RBFOX1: variants seen among roughly 807,000 people sequenced by gnomAD.
RBFOX1 encodes the protein RNA binding fox-1 homolog 1.
Under a neutral mutation model 57.7 loss-of-function variants are expected in RBFOX1, and 8 were observed. That is an observed-to-expected ratio of 0.14 (90% CI 0.08 to 0.25). The LOEUF (loss-of-function observed/expected upper bound fraction) is 0.25. Ranked by LOEUF, RBFOX1 falls within the 10% of genes least tolerant of loss-of-function variation. RBFOX1 has a pLI of 1.00. For synonymous variants in RBFOX1, 326 were observed against 222.4 expected (o/e 1.47, Z -4.15); for missense variants, 611 against 548.5 (o/e 1.11, Z -1.14).
chr16:6,578,245 T>C (rs533012196), intron 2 of RBFOX1, among the ~76,000 whole-genome samples: 32 of 152,296 alleles, frequency 2.1e-4, no homozygotes, highest in African/African-American at 7.2e-4. Flanking sequence ...TTGCAAGTCA[T>C]CACAAAACAC....
intron 1 of RBFOX1, among the ~76,000 whole-genome samples, chr16:6,123,588 T>C (rs1368940302): frequency 6.6e-6 from 1 of 152,202 alleles, no homozygotes; most frequent in East Asian, 1.9e-4. Context: ...CAGCGATGGT[T>C]GTATAACATT....
intron 5 of RBFOX1, among the ~76,000 whole-genome samples, chr16:7,564,194 A>G (rs9927743): frequency 1.3e-5 from 2 of 151,886 alleles, no homozygotes; most frequent in Non-Finnish European, 2.9e-5. Context: ...GTATCCATAC[A>G]GGAGGCAGAG....
At chr16:5,776,922 A>G (rs936471826) in intron 3 of RBFOX1, among the ~76,000 whole-genome samples, 1 of 152,230 alleles carries the variant, frequency 6.6e-6, no homozygotes, top group Non-Finnish European at 1.5e-5. Context: ...CACGTGAAAT[A>G]TGGCTTAAGA....
chr16:5,559,036 C>T (rs1338303862), intron 2 of RBFOX1, among the ~76,000 whole-genome samples: 2 of 152,044 alleles, frequency 1.3e-5, no homozygotes, highest in East Asian at 1.9e-4. Context: ...CAGTTATGCT[C>T]ACGTGGGTAC....
intron 3 of RBFOX1, among the ~76,000 whole-genome samples, chr16:6,780,369 A>ATATATTTT (rs2080677945): frequency 9.8e-6 from 1 of 101,930 alleles, no homozygotes; most frequent in South Asian, 3.2e-4. Context: ...ATACATATTT[A>ATATATTTT]TAGATATATT....
chr16:7,120,830 TAC>T (rs397836603), intron 4 of RBFOX1, among the ~76,000 whole-genome samples: 13,116 of 86,514 alleles, frequency 0.15, 795 homozygotes, highest in Non-Finnish European at 0.22. Context: ...TATGTATATA[TAC>T]ACACACACAC....
At chr16:5,459,633 A>G (rs2068731521) in intron 1 of RBFOX1, among the ~76,000 whole-genome samples, 1 of 152,058 alleles carries the variant, frequency 6.6e-6, no homozygotes, top group Non-Finnish European at 1.5e-5. Flanking sequence ...TCAGTTTATT[A>G]ATAAGAATCG....
chr16:5,766,494 G>A (rs1325785978), intron 3 of RBFOX1, among the ~76,000 whole-genome samples: 2 of 151,996 alleles, frequency 1.3e-5, no homozygotes, highest in Admixed American at 1.3e-4. Context: ...CTGAGGCAGG[G>A]GAATTGCTTG....
At chr16:5,974,473 G>A (rs1005398228) in intron 4 of RBFOX1, among the ~76,000 whole-genome samples, 1 of 151,864 alleles carries the variant, frequency 6.6e-6, no homozygotes, top group Admixed American at 6.6e-5. Flanking sequence ...AGCTGGCCGT[G>A]GTGGTGTGCA....
intron 3 of RBFOX1, chr16:6,774,093 C>A: frequency 1.3e-6 from 1 of 791,610 alleles, no homozygotes; most frequent in Non-Finnish European, 1.5e-6. Context: ...TTTAAATTAC[C>A]AAGAATTGGA....
chr16:5,401,800 C>T (rs1377243704), intron 1 of RBFOX1, among the ~76,000 whole-genome samples: 1 of 151,764 alleles, frequency 6.6e-6, no homozygotes, highest in African/African-American at 2.4e-5. Context: ...TCCTCTTTCT[C>T]CTCCTCCTTC....
chr16:6,773,331 CTGTGCA>C (rs986202957), intron 3 of RBFOX1, among the ~76,000 whole-genome samples: 13 of 93,182 alleles, frequency 1.4e-4, no homozygotes, highest in Admixed American at 5.9e-4. Flanking sequence ...GGGTGCATTT[CTGTGCA>C]TGTGTATGTG....
chr16:6,646,508 T>A (rs941650497), intron 2 of RBFOX1, among the ~76,000 whole-genome samples: 1 of 152,154 alleles, frequency 6.6e-6, no homozygotes, highest in Non-Finnish European at 1.5e-5. Context: ...AGCAAAAATC[T>A]GCCTTTGGTT....
At position 5,612,159 on chromosome 16, in the gene RBFOX1, C is replaced by T. The variant is rs530991993; in HGVS notation, c.318+13198C>T. Among the ~76,000 whole-genome samples, 8 of 151,702 alleles carry T rather than the reference C, an allele frequency of 5.3e-5. No individual in the cohort carries two copies. The East Asian group carries it at 1.6e-3, about 30-fold the overall frequency. On this transcript the variant is annotated intron_variant, in intron 3 of 19. Coordinates refer to the RBFOX1 transcript ENST00000641259. ...TCCTCCCATCCATACGTCTACTCTC[C>T]CACCTACCCACCCATTCTCCCACCC... is the stretch of plus-strand genomic sequence containing the variant.
chr16:7,063,744 T>C (rs1348619163), intron 4 of RBFOX1, among the ~76,000 whole-genome samples: 1 of 152,182 alleles, frequency 6.6e-6, no homozygotes, highest in African/African-American at 2.4e-5. Context: ...GCACGGAACA[T>C]GTGCAGACTT....
At chr16:7,467,319 T>C (rs775460951) in intron 4 of RBFOX1, among the ~76,000 whole-genome samples, 1 of 152,152 alleles carries the variant, frequency 6.6e-6, no homozygotes, top group Non-Finnish European at 1.5e-5. Flanking sequence ...GGGGGTCTCA[T>C]ACATACCAAG....
intron 3 of RBFOX1, among the ~76,000 whole-genome samples, chr16:5,667,601 A>T (rs767742388): frequency 6.6e-6 from 1 of 152,132 alleles, no homozygotes. Flanking sequence ...AATTCTATGT[A>T]TCTTGCTTGT....
chr16:5,501,370 C>T (rs2043192552), intron 2 of RBFOX1, among the ~76,000 whole-genome samples: 1 of 149,608 alleles, frequency 6.7e-6, no homozygotes, highest in African/African-American at 2.5e-5. Flanking sequence ...ATTATCTATT[C>T]CCCAGCCAAG....
intron 3 of RBFOX1, among the ~76,000 whole-genome samples, chr16:6,788,529 G>A (rs2082351514): frequency 6.6e-6 from 1 of 151,736 alleles, no homozygotes; most frequent in Admixed American, 6.6e-5. Flanking sequence ...ACGCTGGAGT[G>A]CAGTGGCGTG....
Sources: allele counts gnomAD v4.1 joint callset (sites outside exome capture counted in the v4.1 genomes callset), GRCh38; gene constraint gnomAD v4.1.1; transcripts MANE v1.5; gene names NCBI Gene and HGNC (gene_info 2026-07-23, HGNC 2026-07-21).